NRG1: variants seen among roughly 807,000 people sequenced by gnomAD.
NRG1 encodes neuregulin 1.
A neutral mutation model predicts 63.8 loss-of-function variants in NRG1; 18 were observed. That is an observed-to-expected ratio of 0.28 (90% confidence interval 0.19 to 0.42). The LOEUF (loss-of-function observed/expected upper bound fraction) is 0.42. NRG1 is among the 10% of genes least tolerant of loss of function. The pLI, the probability that NRG1 is intolerant of heterozygous loss-of-function variation, is 1.00. For synonymous variants in NRG1, 302 were observed against 301.3 expected (o/e 1.00, Z -0.02); for missense variants, 762 against 814.7 (o/e 0.94, Z 0.79).
chr8:32,561,466 G>GGT (rs1215002379), intron 1 of NRG1, among the ~76,000 whole-genome samples: 1 of 152,096 alleles, frequency 6.6e-6, no homozygotes. Flanking sequence ...GAGGGTAATG[G>GGT]GTGTGTGTGT....
intron 5 of NRG1, among the ~76,000 whole-genome samples, chr8:32,673,650 T>C (rs1213368048): frequency 6.6e-6 from 1 of 152,232 alleles, no homozygotes; most frequent in Non-Finnish European, 1.5e-5. Context: ...GGTCTTTTCT[T>C]ATCTAGAGAT....
chr8:32,309,971 A>G (rs1460793047), intron 1 of NRG1, among the ~76,000 whole-genome samples: 1 of 152,162 alleles, frequency 6.6e-6, no homozygotes, highest in Non-Finnish European at 1.5e-5. Context: ...CCAGACAAAT[A>G]TTTTCGCCTA....
intron 5 of NRG1, among the ~76,000 whole-genome samples, chr8:32,679,824 G>C (rs1036983933): frequency 6.6e-6 from 1 of 152,190 alleles, no homozygotes; most frequent in Non-Finnish European, 1.5e-5. Context: ...TACTCATTGT[G>C]ATCAGAATGA....
At chr8:31,778,057 T>C (rs1319754235) in intron 1 of NRG1, among the ~76,000 whole-genome samples, 1 of 152,126 alleles carries the variant, frequency 6.6e-6, no homozygotes, top group African/African-American at 2.4e-5. Context: ...CCAAGGTGAG[T>C]TGGGATTCAC....
rs537720795 is a variant in NRG1, at chr8:31,929,380, C to G, written c.37+289949C>G. 2.2e-4 allele frequency among the ~76,000 whole-genome samples: 33 copies of G among 152,038 alleles called. 1 individual carries two copies. The highest frequency in any genetic ancestry group is 2.0e-3 in the Admixed American group (31 of 15,256). ...TTATATACTTTTCTACATGATTGGA[C>G]TTATTTATAATTTGGATTTTTGAAT... On this transcript the variant is annotated intron_variant, in intron 1 of 10. Coordinates refer to the NRG1 transcript ENST00000519301.
intron 1 of NRG1, among the ~76,000 whole-genome samples, chr8:32,079,167 A>ACACG (rs1827058476): frequency 1.3e-5 from 2 of 151,662 alleles, no homozygotes; most frequent in African/African-American, 4.8e-5. Context: ...ACACACACAC[A>ACACG]CACACACACA....
chr8:31,776,857 A>G, intron 1 of NRG1, among the ~76,000 whole-genome samples: 1 of 152,118 alleles, frequency 6.6e-6, no homozygotes, highest in Non-Finnish European at 1.5e-5. Context: ...GTCCCTACAA[A>G]GGACATGAAC....
At chr8:31,697,422 A>C (rs1585739128) in intron 1 of NRG1, among the ~76,000 whole-genome samples, 1 of 152,356 alleles carries the variant, frequency 6.6e-6, no homozygotes, top group East Asian at 1.9e-4. Context: ...CCCTAGTAAT[A>C]GATAGAAGTG....
intron 1 of NRG1, among the ~76,000 whole-genome samples, chr8:32,100,709 A>G (rs1830462216): frequency 6.6e-6 from 1 of 152,190 alleles, no homozygotes. Context: ...CTAAAAGGCA[A>G]TTGGCCATTG....
rs754521561 is a variant in NRG1 at position 32,533,582 on chromosome 8, A to T, written c.38-62246A>T. Reference sequence around the variant, plus strand: ...AAATTTTATTTTTATTCCAAAATTAATTGTCCTAAAAATAGTACATTTAGC... The same window carrying T: ...AAATTTTATTTTTATTCCAAAATTATTTGTCCTAAAAATAGTACATTTAGC... On this transcript the variant is annotated intron_variant, in intron 1 of 10. Coordinates refer to the NRG1 transcript ENST00000519301. 3.3e-5 allele frequency among the ~76,000 whole-genome samples: 5 copies of T among 152,098 alleles called. No homozygotes were observed. The South Asian group carries it at 1.0e-3, about 31-fold the overall frequency.
chr8:32,459,308 G>C (rs1371817818), intron 1 of NRG1, among the ~76,000 whole-genome samples: 1 of 152,060 alleles, frequency 6.6e-6, no homozygotes. Flanking sequence ...CTAATACCAA[G>C]TATCCCTGGA....
intron 5 of NRG1, among the ~76,000 whole-genome samples, chr8:32,671,586 A>C (rs904522441): frequency 1.8e-4 from 27 of 152,230 alleles, no homozygotes; most frequent in African/African-American, 6.0e-4. Context: ...AGCAGCATGT[A>C]TGCACGCACA....
intron 1 of NRG1, among the ~76,000 whole-genome samples, chr8:32,326,724 T>C (rs1416031713): frequency 6.6e-6 from 1 of 152,124 alleles, no homozygotes; most frequent in Non-Finnish European, 1.5e-5. Flanking sequence ...CAGTGAGTCC[T>C]AAAACTGAAT....
chr8:32,012,031 A>G (rs1345865360), intron 1 of NRG1, among the ~76,000 whole-genome samples: 9 of 152,214 alleles, frequency 5.9e-5, no homozygotes, highest in Admixed American at 4.6e-4. Context: ...ATAGAAGGCT[A>G]CAAAGTCTTT....
chr8:32,338,799 G>A (rs572694270), intron 1 of NRG1, among the ~76,000 whole-genome samples: 34 of 152,180 alleles, frequency 2.2e-4, no homozygotes, highest in African/African-American at 7.5e-4. Flanking sequence ...ACATGCCTAG[G>A]TATCCACTCT....
At chr8:32,313,945 C>T (rs1001895254) in intron 1 of NRG1, among the ~76,000 whole-genome samples, 1 of 152,056 alleles carries the variant, frequency 6.6e-6, no homozygotes, top group African/African-American at 2.4e-5. Flanking sequence ...AAATGTTTTA[C>T]ATTCTTTCTA....
At chr8:31,639,448 G>A (rs1188355492) in intron 1 of NRG1, 47 of 1,533,470 alleles carry the variant, frequency 3.1e-5, no homozygotes, top group African/African-American at 4.1e-5. Context: ...AGGCTGGCGA[G>A]GCGCAGGACG....
intron 11 of NRG1, among the ~76,000 whole-genome samples, chr8:32,762,375 A>G (rs908369437): frequency 1.3e-5 from 2 of 152,172 alleles, no homozygotes; most frequent in Non-Finnish European, 2.9e-5. Context: ...GGGCTTCTAG[A>G]TGATATCTAG....
intron 1 of NRG1, among the ~76,000 whole-genome samples, chr8:32,464,643 A>C (rs1822832831): frequency 6.6e-6 from 1 of 152,078 alleles, no homozygotes; most frequent in Non-Finnish European, 1.5e-5. Context: ...TACAACCATT[A>C]TATCTGAATC....
Sources: allele counts gnomAD v4.1 joint callset (sites outside exome capture counted in the v4.1 genomes callset), GRCh38; gene constraint gnomAD v4.1.1; transcripts MANE v1.5; gene names NCBI Gene and HGNC (gene_info 2026-07-23, HGNC 2026-07-21).